The following MARCHF4 variants were observed in gnomAD, a reference collection of about 807,000 sequenced individuals.
The protein encoded by MARCHF4 is membrane associated ring-CH-type finger 4.
A neutral mutation model predicts 43.9 loss-of-function variants in MARCHF4; 14 were observed. That is an observed-to-expected ratio of 0.32 (90% CI 0.21 to 0.50). The LOEUF is 0.50. Ranked by LOEUF, MARCHF4 falls within the 20% of genes least tolerant of loss-of-function variation. The pLI, the probability that MARCHF4 is intolerant of heterozygous loss-of-function variation, is 0.98. For synonymous variants in MARCHF4, 226 were observed against 213.3 expected (o/e 1.06, Z -0.52); for missense variants, 468 against 536.7 (o/e 0.87, Z 1.27).
chr2:216,320,675 C>CTTTCTTTCTTTCT (rs747734983), intron 1 of MARCHF4, among the ~76,000 whole-genome samples: 11 of 33,104 alleles, frequency 3.3e-4, no homozygotes, highest in South Asian at 8.4e-4. Context: ...TTCTTTCTTT[C>CTTTCTTTCTTTCT]TTTTTTTTTT....
chr2:216,364,746 G>C (rs1167423970), intron 1 of MARCHF4, among the ~76,000 whole-genome samples: 2 of 152,236 alleles, frequency 1.3e-5, no homozygotes, highest in Non-Finnish European at 2.9e-5. Context: ...AGGCTCATTA[G>C]TACAGGCTAG....
At chr2:216,296,568 G>T (rs1429096814) in intron 1 of MARCHF4, among the ~76,000 whole-genome samples, 1 of 152,152 alleles carries the variant, frequency 6.6e-6, no homozygotes, top group African/African-American at 2.4e-5. Flanking sequence ...TGGGGGTTTT[G>T]TTTTGTCTGC....
At chr2:216,313,899 G>A (rs1224273292) in intron 1 of MARCHF4, among the ~76,000 whole-genome samples, 3 of 152,192 alleles carry the variant, frequency 2.0e-5, no homozygotes, top group East Asian at 3.8e-4. Context: ...ATTATGGGAA[G>A]CACTTAGGGC....
chr2:216,323,105 A>C (rs1691930897), intron 1 of MARCHF4, among the ~76,000 whole-genome samples: 1 of 152,174 alleles, frequency 6.6e-6, no homozygotes, highest in Non-Finnish European at 1.5e-5. Context: ...CTAATATTGA[A>C]TAAGCAAAGT....
At chr2:216,265,971 C>T (rs1690839203) in intron 3 of MARCHF4, 1 of 152,192 alleles carries the variant, frequency 6.6e-6, no homozygotes, top group African/African-American at 2.4e-5. Flanking sequence ...TAGGCTAGGA[C>T]ATGGTTTTTA....
chr2:216,352,520 T>G (rs918394704), intron 1 of MARCHF4, among the ~76,000 whole-genome samples: 22 of 152,144 alleles, frequency 1.4e-4, no homozygotes, highest in Non-Finnish European at 2.2e-4. Context: ...TTTTGCTTTT[T>G]TTGTTGTTGT....
intron 1 of MARCHF4, among the ~76,000 whole-genome samples, chr2:216,286,091 G>C (rs887573589): frequency 6.6e-6 from 1 of 152,222 alleles, no homozygotes; most frequent in African/African-American, 2.4e-5. Context: ...GTGGAGAAAG[G>C]AGGAGCGTGA....
chr2:216,297,897 G>A (rs573923282), intron 1 of MARCHF4, among the ~76,000 whole-genome samples: 11 of 152,316 alleles, frequency 7.2e-5, no homozygotes, highest in Non-Finnish European at 1.2e-4. Flanking sequence ...CCAAGAGACA[G>A]TCACAAACGA....
intron 1 of MARCHF4, among the ~76,000 whole-genome samples, chr2:216,300,345 T>C (rs1574468310): frequency 7.3e-6 from 1 of 137,558 alleles, no homozygotes; most frequent in East Asian, 2.2e-4. Flanking sequence ...TCGATATATA[T>C]ATATGTATAT....
At position 216,283,564 on chromosome 2, in the gene MARCHF4, T is replaced by C; in HGVS notation, c.672+10A>G. 6.3e-7 allele frequency: 1 copy of C among 1,592,448 alleles called. No individual in the cohort carries two copies. The highest frequency in any genetic ancestry group is 8.6e-7 in the Non-Finnish European group (1 of 1,163,070). On this transcript the variant is annotated intron_variant, in intron 2 of 3. Coordinates refer to ENST00000273067, the MANE Select transcript of MARCHF4 (RefSeq NM_020814.3). ...GCCCAGCAACCCCACCAGGCAGCCCTGGGTTGTACCTGCAGAGGATTTTTT... is the reference window on the plus strand; with the variant it reads ...GCCCAGCAACCCCACCAGGCAGCCCCGGGTTGTACCTGCAGAGGATTTTTT...
chr2:216,281,269 C>T (rs1691123241), intron 2 of MARCHF4, among the ~76,000 whole-genome samples: 1 of 152,060 alleles, frequency 6.6e-6, no homozygotes, highest in African/African-American at 2.4e-5. Flanking sequence ...CATTATGTTG[C>T]CCAGGCTGGT....
intron 1 of MARCHF4, among the ~76,000 whole-genome samples, chr2:216,301,872 T>C (rs987987698): frequency 1.3e-5 from 2 of 152,186 alleles, no homozygotes; most frequent in Non-Finnish European, 2.9e-5. Context: ...TTGGAAAGAA[T>C]AATGAGATGT....
intron 1 of MARCHF4, among the ~76,000 whole-genome samples, chr2:216,354,907 C>CTTTCTTTCTTCCTTT (rs1559106515): frequency 4.4e-5 from 3 of 68,186 alleles, no homozygotes; most frequent in Non-Finnish European, 8.2e-5. Context: ...TTCTTTCTTT[C>CTTTCTTTCTTCCTTT]TTTCTTTCTT....
rs190069591 is a variant in MARCHF4, at chr2:216,300,137, A to G, written c.517-16408T>C. ...CACATTAACTTTGTGACCTTGGGCA[A>G]TTCCCTTAGCCTCTCTGAGCTTTAA... On this transcript the variant is annotated intron_variant, in intron 1 of 3. Transcript: ENST00000273067. Among the ~76,000 whole-genome samples the G allele has an allele frequency of 2.0e-3, 299 of 152,210 alleles. 3 individuals are homozygous for G. The highest frequency in any genetic ancestry group is 7.1e-3 in the African/African-American group (293 of 41,518).
chr2:216,327,443 A>G (rs376556970), intron 1 of MARCHF4, among the ~76,000 whole-genome samples: 12 of 151,998 alleles, frequency 7.9e-5, no homozygotes, highest in East Asian at 7.7e-4. Context: ...CCCCCAGCCA[A>G]TTTAAAACCT....
At chr2:216,335,805 T>C (rs1692148051) in intron 1 of MARCHF4, among the ~76,000 whole-genome samples, 1 of 152,108 alleles carries the variant, frequency 6.6e-6, no homozygotes, top group Admixed American at 6.6e-5. Flanking sequence ...CAGTGGCTCA[T>C]GCCTGTAATC....
intron 1 of MARCHF4, among the ~76,000 whole-genome samples, chr2:216,302,193 A>G (rs1691501415): frequency 1.3e-5 from 2 of 152,102 alleles, no homozygotes; most frequent in Non-Finnish European, 2.9e-5. Context: ...TTTTGTTTTT[A>G]TTGTGCATTT....
chr2:216,351,225 A>T (rs1692399370), intron 1 of MARCHF4, among the ~76,000 whole-genome samples: 1 of 152,240 alleles, frequency 6.6e-6, no homozygotes, highest in African/African-American at 2.4e-5. Context: ...TGGGAGTCCC[A>T]CTGCATGCCA....
chr2:216,368,964 G>C (rs911905720), intron 1 of MARCHF4, among the ~76,000 whole-genome samples: 2 of 152,182 alleles, frequency 1.3e-5, no homozygotes, highest in African/African-American at 4.8e-5. Context: ...GTGCATATGA[G>C]AGTTGGCATC....
Sources: allele counts gnomAD v4.1 joint callset (sites outside exome capture counted in the v4.1 genomes callset), GRCh38; gene constraint gnomAD v4.1.1; transcripts MANE v1.5; gene names NCBI Gene and HGNC (gene_info 2026-07-23, HGNC 2026-07-21).